Variants in DCC observed in about 807,000 individuals in gnomAD.
DCC encodes netrin receptor DCC.
Under a neutral mutation model 172.5 loss-of-function variants are expected in DCC, and 58 were observed. That is an observed-to-expected ratio of 0.34 (90% CI 0.27 to 0.42). The LOEUF (loss-of-function observed/expected upper bound fraction) is 0.42, where lower values mean the gene tolerates loss of function less well. DCC is among the 10% of genes least tolerant of loss of function. The pLI is 1.00. For missense variants in DCC, 1,740 were observed against 1,791.0 expected, an observed-to-expected ratio of 0.97 and a Z score of 0.51; for synonymous variants, 709 against 644.5, an observed-to-expected ratio of 1.10 and a Z score of -1.52.
intron 1 of DCC, among the ~76,000 whole-genome samples, chr18:52,676,250 A>C (rs2035644856): frequency 6.6e-6 from 1 of 152,176 alleles, no homozygotes; most frequent in East Asian, 1.9e-4. Context: ...ATTTGTTTGT[A>C]AGTGGAAATA....
intron 22 of DCC, among the ~76,000 whole-genome samples, chr18:53,441,241 A>G (rs1410913427): frequency 6.6e-6 from 1 of 152,152 alleles, no homozygotes; most frequent in East Asian, 1.9e-4. Context: ...ATTGTCAGAT[A>G]AGCATCAGGA....
At chr18:53,259,401 G>A (rs1004230648) in intron 12 of DCC, among the ~76,000 whole-genome samples, 5 of 152,248 alleles carry the variant, frequency 3.3e-5, no homozygotes, top group East Asian at 1.9e-4. Flanking sequence ...TTTAGGGCAG[G>A]CCTGGTAGTG....
At chr18:53,220,768 T>G (rs1024356716) in intron 12 of DCC, among the ~76,000 whole-genome samples, 4 of 87,268 alleles carry the variant, frequency 4.6e-5, no homozygotes, top group Non-Finnish European at 1.0e-4. Flanking sequence ...GTAGATCTCT[T>G]ATATTTATTT....
At chr18:52,985,652 A>G (rs930610076) in intron 5 of DCC, among the ~76,000 whole-genome samples, 1 of 151,752 alleles carries the variant, frequency 6.6e-6, no homozygotes, top group African/African-American at 2.4e-5. Flanking sequence ...TTTTTCAGCC[A>G]TCTTATTTAC....
intron 23 of DCC, among the ~76,000 whole-genome samples, chr18:53,456,041 C>A (rs2045478663): frequency 6.6e-6 from 1 of 152,170 alleles, no homozygotes; most frequent in Admixed American, 6.5e-5. Flanking sequence ...TGAATTATCA[C>A]AAAGGGAGCA....
chr18:52,591,748 A>C (rs992669958), intron 1 of DCC, among the ~76,000 whole-genome samples: 2 of 134,640 alleles, frequency 1.5e-5, no homozygotes, highest in African/African-American at 5.1e-5. Context: ...ATGCCTGGCT[A>C]CTTTTTTTCT....
chr18:52,779,098 T>C (rs150372583), intron 2 of DCC, among the ~76,000 whole-genome samples: 2 of 152,336 alleles, frequency 1.3e-5, no homozygotes, highest in Non-Finnish European at 2.9e-5. Context: ...TGGAAAATTA[T>C]CTTTCACCTT....
chr18:53,180,448 A>G (rs1238037473), intron 9 of DCC, among the ~76,000 whole-genome samples: 1 of 152,200 alleles, frequency 6.6e-6, no homozygotes, highest in Non-Finnish European at 1.5e-5. Flanking sequence ...TCTGTTTGCA[A>G]AATAAAAACA....
intron 1 of DCC, among the ~76,000 whole-genome samples, chr18:52,641,568 A>ACC (rs1334501739): frequency 6.6e-6 from 1 of 150,448 alleles, no homozygotes; most frequent in Non-Finnish European, 1.5e-5. Flanking sequence ...TGAATAGATA[A>ACC]TTCTCAAAAG....
chr18:52,502,975 T>A (rs901912757), intron 1 of DCC, among the ~76,000 whole-genome samples: 3 of 152,198 alleles, frequency 2.0e-5, no homozygotes, highest in Admixed American at 2.0e-4. Context: ...ACATTTGCCA[T>A]TTAAAAATTT....
rs944779191 is a variant in DCC at position 52,417,585 on chromosome 18, G to T, written c.91+76707G>T. Among the ~76,000 whole-genome samples, 40 of 151,962 alleles carry T rather than the reference G, an allele frequency of 2.6e-4. No individual in the cohort carries two copies. In the East Asian group the frequency reaches 7.6e-3, roughly 29 times the overall value. On this transcript the variant is annotated intron_variant, in intron 1 of 28. Coordinates refer to ENST00000442544, the MANE Select transcript of DCC (RefSeq NM_005215.4). ...CTTGTTTGTTTCTTTTTATTCTTTTGTCTCTAAACTTCCCTTCTCGCTTTA... is the reference window on the plus strand; with the variant it reads ...CTTGTTTGTTTCTTTTTATTCTTTTTTCTCTAAACTTCCCTTCTCGCTTTA...
chr18:52,456,050 C>T (rs982055949), intron 1 of DCC, among the ~76,000 whole-genome samples: 1 of 152,176 alleles, frequency 6.6e-6, no homozygotes, highest in Non-Finnish European at 1.5e-5. Context: ...CCAGAATATC[C>T]TGTAGCATGT....
intron 9 of DCC, among the ~76,000 whole-genome samples, chr18:53,180,959 A>T (rs2055187572): frequency 6.6e-6 from 1 of 152,196 alleles, no homozygotes; most frequent in African/African-American, 2.4e-5. Context: ...TTCATAGATC[A>T]TCTATGTAAA....
chr18:52,946,499 G>A (rs571481370), intron 5 of DCC, among the ~76,000 whole-genome samples: 5 of 152,178 alleles, frequency 3.3e-5, no homozygotes, highest in Non-Finnish European at 7.4e-5. Flanking sequence ...TGGGTCTTTG[G>A]GTTGGTGGCA....
chr18:53,085,403 T>C (rs1370276477), intron 7 of DCC, among the ~76,000 whole-genome samples: 1 of 151,964 alleles, frequency 6.6e-6, no homozygotes, highest in Non-Finnish European at 1.5e-5. Context: ...CACAGAGAAA[T>C]GTCAGGAACC....
intron 5 of DCC, among the ~76,000 whole-genome samples, chr18:53,008,782 A>G (rs2143869660): frequency 6.6e-6 from 1 of 152,114 alleles, no homozygotes; most frequent in African/African-American, 2.4e-5. Context: ...ATCAGTACTG[A>G]AAAAAGGTAC....
chr18:52,830,185 G>A (rs546304514), intron 2 of DCC, among the ~76,000 whole-genome samples: 6 of 152,330 alleles, frequency 3.9e-5, no homozygotes, highest in African/African-American at 1.4e-4. Flanking sequence ...AAGCAAGCTT[G>A]TCCAACTCGC....
intron 2 of DCC, among the ~76,000 whole-genome samples, chr18:52,780,099 A>C (rs2037508184): frequency 6.6e-6 from 1 of 152,164 alleles, no homozygotes; most frequent in South Asian, 2.1e-4. Context: ...ATTAACCATC[A>C]AGGTTTTTCA....
intron 12 of DCC, among the ~76,000 whole-genome samples, chr18:53,249,924 T>TA (rs775004792): frequency 3.3e-5 from 5 of 151,970 alleles, no homozygotes; most frequent in Non-Finnish European, 5.9e-5. Flanking sequence ...TTTACAGTCA[T>TA]AAAATCAAGT....
Sources: allele counts gnomAD v4.1 joint callset (sites outside exome capture counted in the v4.1 genomes callset), GRCh38; gene constraint gnomAD v4.1.1; transcripts MANE v1.5; gene names NCBI Gene and HGNC (gene_info 2026-07-23, HGNC 2026-07-21).